The following SDR42E1 variants were observed in gnomAD, a reference collection of about 807,000 sequenced individuals.
SDR42E1 encodes short chain dehydrogenase/reductase family 42E, member 1, also known as short-chain dehydrogenase/reductase family 42E member 1.
In SDR42E1, 5 loss-of-function variants were observed where a neutral mutation model predicts 2.6. That is an observed-to-expected ratio of 1.94 (90% CI 1.01 to 4.08). The LOEUF is 4.08. Ranked by LOEUF, SDR42E1 falls within the 30% of genes most tolerant of loss-of-function variation. SDR42E1 has a pLI of 0.00. For synonymous variants in SDR42E1, 231 were observed against 188.3 expected (o/e 1.23, Z -1.86); for missense variants, 596 against 478.6 (o/e 1.25, Z -2.29).
Position 81,998,905 on chromosome 16 carries a change from C to T in SDR42E1, c.*206G>A, listed in dbSNP as rs561631932. 535 of 607,522 alleles carry T rather than the reference C, an allele frequency of 8.8e-4. 2 individuals carry two copies. Among genetic ancestry groups the T allele is most frequent in the Non-Finnish European group, 1.2e-3 (441 of 355,498 alleles). 37.6% of individuals were successfully genotyped at this position (607,522 alleles called of 1,614,324 possible). The stretch of plus-strand genomic sequence containing the variant: ...CAGAAGCACATAACAAATCAAATTT[C>T]AAACTAATCTCTGCTTCTGCTTTTT... On this transcript the variant is annotated 3_prime_UTR_variant, in exon 3 of 3. Coordinates refer to ENST00000328945, the MANE Select transcript of SDR42E1 (RefSeq NM_145168.3).
rs1053396358 is a variant in SDR42E1 at position 81,993,670 on chromosome 16, G to C, written c.*5441C>G. 1.3e-5 allele frequency: 2 copies of C among 152,184 alleles called. No homozygotes were observed. Among genetic ancestry groups the C allele is most frequent in the African/African-American group, 2.4e-5 (1 of 41,430 alleles). The allele number at this position is 152,184 out of a possible 1,614,324, so 9.4% of individuals were successfully genotyped here. A position where few individuals can be genotyped will look rare whatever the true frequency, so the allele number is the denominator to read the frequency against. ...AGATAAGGGACCACCTGGCTGATAA[G>C]TGCATTCACCCCGTCAACAAGCATT... is the stretch of plus-strand genomic sequence containing the variant. On this transcript the variant is annotated 3_prime_UTR_variant, in exon 3 of 3. Coordinates refer to ENST00000328945, the MANE Select transcript of SDR42E1 (RefSeq NM_145168.3).
rs1437547618 is a variant in SDR42E1 at position 82,011,468 on chromosome 16, G to A, written c.-108C>T. ...CCTAGCTACCCATCACCACAGCTGGGGCGCCGAAGCCGTCGGACCTGCCTC... is the reference window on the plus strand; with the variant it reads ...CCTAGCTACCCATCACCACAGCTGGAGCGCCGAAGCCGTCGGACCTGCCTC... On this transcript the variant is annotated 5_prime_UTR_variant, in exon 1 of 3. Coordinates refer to ENST00000328945, the MANE Select transcript of SDR42E1 (RefSeq NM_145168.3). The A allele has an allele frequency of 1.3e-5, 2 of 152,314 alleles. No individual in the cohort carries two copies. The highest frequency in any genetic ancestry group is 6.5e-5 in the Admixed American group (1 of 15,290). The allele number at this position is 152,314 out of a possible 1,614,324, so 9.4% of individuals were successfully genotyped here.
chr16:82,007,463 A>G (rs1000026916), intron 1 of SDR42E1, among the ~76,000 whole-genome samples: 2 of 152,228 alleles, frequency 1.3e-5, no homozygotes, highest in Non-Finnish European at 2.9e-5. Context: ...ATTCCATTTT[A>G]CAGGTGAGAA....
chr16:82,002,991 T>C (rs781588916), intron 1 of SDR42E1, among the ~76,000 whole-genome samples: 13 of 152,202 alleles, frequency 8.5e-5, no homozygotes, highest in Admixed American at 4.6e-4. Flanking sequence ...ACAAAGAGTT[T>C]TGTAAGTTCT....
At position 82,000,548 on chromosome 16, in the gene SDR42E1, T is replaced by G; in HGVS notation, c.68+243A>C. 5.1e-6 allele frequency: 3 copies of G among 587,428 alleles called. No homozygotes were observed. The East Asian group carries it at 8.5e-5, about 17-fold the overall frequency. The allele number at this position is 587,428 out of a possible 1,614,324, so 36.4% of individuals were successfully genotyped here. A position where few individuals can be genotyped will look rare whatever the true frequency, so the allele number is the denominator to read the frequency against. ...ATAACTGTGAAAGAACAGCTATGAT[T>G]TAAAATTGTTTTTGGTGATGTGAAT... On this transcript the variant is annotated intron_variant, in intron 2 of 2. Transcript: ENST00000328945.
rs893578136 is a variant in SDR42E1 at position 81,991,475 on chromosome 16, G to C, written c.*7636C>G. The C allele has an allele frequency of 2.0e-5, 3 of 152,130 alleles. No individual in the cohort carries two copies. Among genetic ancestry groups the C allele is most frequent in the African/African-American group, 7.2e-5 (3 of 41,402 alleles). The allele number at this position is 152,130 out of a possible 1,614,324, so 9.4% of individuals were successfully genotyped here. A position where few individuals can be genotyped will look rare whatever the true frequency, so the allele number is the denominator to read the frequency against. ...CTCATACCTGTAATCCCAGCACTTT[G>C]GGAGGCCGAGGCAAGAGGATTGCTT... is the stretch of plus-strand genomic sequence containing the variant. On this transcript the variant is annotated 3_prime_UTR_variant, in exon 3 of 3. Coordinates refer to ENST00000328945, the MANE Select transcript of SDR42E1 (RefSeq NM_145168.3).
Position 81,999,561 on chromosome 16 carries a change from G to A in SDR42E1, c.732C>T (p.Gly244=). The A allele has an allele frequency of 6.2e-7, 1 of 1,614,112 alleles. No homozygotes were observed. The highest frequency in any genetic ancestry group is 8.5e-7 in the Non-Finnish European group (1 of 1,180,026). Residue 244 remains glycine, a synonymous_variant, in exon 3 of 3, where the codon GGC becomes GGT. Coordinates refer to ENST00000328945, the MANE Select transcript of SDR42E1 (RefSeq NM_145168.3). ...AGTAGGGCTGCCCAGAGGCAATATG[G>A]CCCTTGTCAGCTCTCAGGGCTTCTG... ...LASEALRADK[G]HIASGQPYFI...
At chr16:82,009,067 TG>T (rs199933691) in intron 1 of SDR42E1, among the ~76,000 whole-genome samples, 1,817 of 152,246 alleles carry the variant, frequency 0.012, 40 homozygotes, top group African/African-American at 0.042. Context: ...GTTAAGCCTG[TG>T]GGTACACAGA....
intron 1 of SDR42E1, among the ~76,000 whole-genome samples, chr16:82,001,314 A>T (rs1912750914): frequency 6.6e-6 from 1 of 152,136 alleles, no homozygotes; most frequent in Non-Finnish European, 1.5e-5. Context: ...AGCTCCCAAC[A>T]TCTTTTCTTT....
chr16:82,001,998 C>CACAAACG (rs1912784057), intron 1 of SDR42E1, among the ~76,000 whole-genome samples: 1 of 149,470 alleles, frequency 6.7e-6, no homozygotes, highest in African/African-American at 2.5e-5. Context: ...ACACATATAC[C>CACAAACG]TGTGCTCAAG....
In SDR42E1 at chr16:81,989,865, G is replaced by A. The variant is rs987346685; in HGVS notation, c.*9246C>T. 7 of 152,202 alleles carry A rather than the reference G, an allele frequency of 4.6e-5. No individual in the cohort carries two copies. The highest frequency in any genetic ancestry group is 1.7e-4 in the African/African-American group (7 of 41,402). The allele number at this position is 152,202 out of a possible 1,614,324, so 9.4% of individuals were successfully genotyped here. A position where few individuals can be genotyped will look rare whatever the true frequency, so the allele number is the denominator to read the frequency against. On this transcript the variant is annotated 3_prime_UTR_variant, in exon 3 of 3. Coordinates refer to ENST00000328945, the MANE Select transcript of SDR42E1 (RefSeq NM_145168.3). Reference sequence around the variant, plus strand: ...ATACAAAAATTAGCTGAGCGTGGTGGCGGGCACCTGTAATCCCACCTACTT... The same window carrying A: ...ATACAAAAATTAGCTGAGCGTGGTGACGGGCACCTGTAATCCCACCTACTT...
intron 1 of SDR42E1, among the ~76,000 whole-genome samples, chr16:82,006,955 G>T (rs190703096): frequency 1.1e-4 from 16 of 152,350 alleles, no homozygotes; most frequent in Non-Finnish European, 2.1e-4. Flanking sequence ...CTATAATTCA[G>T]GGTCATCACC....
In SDR42E1 at chr16:81,995,695, C is replaced by T. The variant is rs1389574604; in HGVS notation, c.*3416G>A. On this transcript the variant is annotated 3_prime_UTR_variant, in exon 3 of 3. Coordinates refer to ENST00000328945, the MANE Select transcript of SDR42E1 (RefSeq NM_145168.3). ...TGTGTGCTAGAAAAGAGTGTTCATC[C>T]ATAGCAGATGGGAAAACAGCATTCA... The T allele has an allele frequency of 6.6e-6, 1 of 152,196 alleles. No individual in the cohort carries two copies. Among genetic ancestry groups the T allele is most frequent in the African/African-American group, 2.4e-5 (1 of 41,444 alleles). 9.4% of individuals were successfully genotyped at this position (152,196 alleles called of 1,614,324 possible). A position where few individuals can be genotyped will look rare whatever the true frequency, so the allele number is the denominator to read the frequency against.
chr16:82,005,549 T>C (rs553394335), intron 1 of SDR42E1, among the ~76,000 whole-genome samples: 1 of 152,272 alleles, frequency 6.6e-6, no homozygotes, highest in African/African-American at 2.4e-5. Flanking sequence ...AAAATTCACA[T>C]GAATCCTAAG....
At chr16:82,007,119 C>T (rs1266552490) in intron 1 of SDR42E1, among the ~76,000 whole-genome samples, 1 of 152,158 alleles carries the variant, frequency 6.6e-6, no homozygotes, top group Non-Finnish European at 1.5e-5. Flanking sequence ...AGTATAAATG[C>T]CATGTGAGTA....
chr16:82,009,051 T>G (rs1913040843), intron 1 of SDR42E1, among the ~76,000 whole-genome samples: 1 of 152,078 alleles, frequency 6.6e-6, no homozygotes, highest in African/African-American at 2.4e-5. Context: ...GAAACTTCCA[T>G]GCGGTGTTAA....
chr16:82,007,941 C>A (rs1361389368), intron 1 of SDR42E1: 2 of 152,158 alleles, frequency 1.3e-5, no homozygotes, highest in Non-Finnish European at 2.9e-5. Flanking sequence ...ATGGTTTGGC[C>A]GTGTCTCCAC....
chr16:82,005,820 A>G (rs981571106), intron 1 of SDR42E1, among the ~76,000 whole-genome samples: 4 of 150,974 alleles, frequency 2.6e-5, no homozygotes, highest in African/African-American at 5.0e-5. Flanking sequence ...TAAGCACATG[A>G]TCAAGAAACA....
intron 1 of SDR42E1, among the ~76,000 whole-genome samples, chr16:82,009,728 A>C (rs1942217970): frequency 6.6e-6 from 1 of 152,198 alleles, no homozygotes; most frequent in South Asian, 2.1e-4. Context: ...TTAATGCTAA[A>C]ATGAGTTAAG....
Sources: gnomAD v4.1 joint callset for allele counts (sites outside exome capture counted in the v4.1 genomes callset) on GRCh38, gnomAD v4.1.1 for gene constraint, MANE v1.5 for transcripts, NCBI Gene and HGNC (gene_info 2026-07-23, HGNC 2026-07-21) for gene names.